GNAZ: variants seen among roughly 807,000 people sequenced by gnomAD.
GNAZ encodes the protein G protein subunit alpha z.
GNAZ carries 3 observed loss-of-function variants against 25.4 expected under a neutral mutation model. The observed-to-expected ratio is 0.12, with a 90% CI of 0.05 to 0.30. The LOEUF (loss-of-function observed/expected upper bound fraction) is 0.30, where lower values mean the gene tolerates loss of function less well. Among genes scored for constraint, GNAZ ranks in the 10% least tolerant of loss-of-function variants. The pLI, the probability that GNAZ is intolerant of heterozygous loss-of-function variation, is 1.00. For missense variants in GNAZ, 241 were observed against 501.8 expected (o/e 0.48, Z 4.97); for synonymous variants, 211 against 205.7 (o/e 1.03, Z -0.22).
Position 23,095,686 on chromosome 22 carries a change from C to A in GNAZ, c.-10C>A. ...CCGTGCTCCTTGTCTGGGCCCGCTG[C>A]TGCCAGACCATGGGATGTCGGCAAA... On this transcript the variant is annotated 5_prime_UTR_variant, in exon 2 of 3. It adds an upstream start codon to the 5' untranslated region. Coordinates refer to ENST00000615612, the MANE Select transcript of GNAZ (RefSeq NM_002073.4). 1.3e-6 allele frequency: 2 copies of A among 1,595,692 alleles called. No individual in the cohort carries two copies. The highest frequency in any genetic ancestry group is 1.7e-6 in the Non-Finnish European group (2 of 1,171,372).
At chr22:23,114,694 CTG>C (rs1165287913) in intron 2 of GNAZ, among the ~76,000 whole-genome samples, 2 of 152,168 alleles carry the variant, frequency 1.3e-5, no homozygotes, top group African/African-American at 2.4e-5. Flanking sequence ...CTTACATATT[CTG>C]TGTGTGTGTG....
At position 23,123,410 on chromosome 22, in the gene GNAZ, C is replaced by T. The variant is rs565166090; in HGVS notation, c.1047C>T (p.Leu349=). The T allele has an allele frequency of 1.2e-5, 20 of 1,612,980 alleles. No homozygotes were observed. The highest frequency in any genetic ancestry group is 5.0e-5 in the Admixed American group (3 of 60,006). ...CAGACGTCATCATACAGAACAATCTCAAGTACATTGGCCTTTGCTGAGGAG... is the reference window on the plus strand; with the variant it reads ...CAGACGTCATCATACAGAACAATCTTAAGTACATTGGCCTTTGCTGAGGAG... ...AVTDVIIQNN[L]KYIGLC is the part of the protein sequence containing the mutation. Residue 349 remains leucine, a synonymous_variant, in exon 3 of 3, where the codon CTC becomes CTT. Coordinates refer to ENST00000615612, the MANE Select transcript of GNAZ (RefSeq NM_002073.4).
chr22:23,112,975 C>T (rs1036710402), intron 2 of GNAZ, among the ~76,000 whole-genome samples: 14 of 152,168 alleles, frequency 9.2e-5, no homozygotes, highest in African/African-American at 3.4e-4. Context: ...ATAGGAACAT[C>T]CAGCTTTCAG....
intron 2 of GNAZ, 53 bp downstream of exon 2, chr22:23,096,471 G>A: frequency 6.5e-7 from 1 of 1,540,608 alleles, no homozygotes; most frequent in South Asian, 1.2e-5. Flanking sequence ...GTGGGTTCCT[G>A]GAAGCAAGAG....
chr22:23,115,180 C>A (rs2069788523), intron 2 of GNAZ, among the ~76,000 whole-genome samples: 1 of 152,138 alleles, frequency 6.6e-6, no homozygotes, highest in Non-Finnish European at 1.5e-5. Context: ...CAGTACAGAG[C>A]CTTCCCCAGC....
intron 1 of GNAZ, among the ~76,000 whole-genome samples, chr22:23,076,294 G>A (rs2068505840): frequency 6.6e-6 from 1 of 152,228 alleles, no homozygotes. Context: ...CTCCATGAGG[G>A]CAGGGACGTT....
chr22:23,090,990 T>C (rs1205826351), intron 1 of GNAZ, among the ~76,000 whole-genome samples: 2 of 152,174 alleles, frequency 1.3e-5, no homozygotes, highest in African/African-American at 4.8e-5. Flanking sequence ...TCTGCCCCAG[T>C]CGCCTCAGCC....
At chr22:23,102,163 T>G (rs1025194152) in intron 2 of GNAZ, among the ~76,000 whole-genome samples, 1 of 152,236 alleles carries the variant, frequency 6.6e-6, no homozygotes, top group African/African-American at 2.4e-5. Context: ...CAGCCTTAAC[T>G]GGGGCTGCGG....
intron 2 of GNAZ, among the ~76,000 whole-genome samples, chr22:23,105,980 G>C (rs1451533333): frequency 1.3e-5 from 2 of 152,202 alleles, no homozygotes; most frequent in African/African-American, 2.4e-5. Context: ...GTCTGGGTGT[G>C]AAGCCAGGGA....
At chr22:23,115,729 G>A (rs969663531) in intron 2 of GNAZ, among the ~76,000 whole-genome samples, 5 of 152,202 alleles carry the variant, frequency 3.3e-5, no homozygotes, top group African/African-American at 1.2e-4. Flanking sequence ...GTTGGGGGCC[G>A]GGGCTCATGT....
intron 2 of GNAZ, among the ~76,000 whole-genome samples, chr22:23,118,467 T>G (rs1034604069): frequency 4.0e-5 from 6 of 150,772 alleles, no homozygotes; most frequent in African/African-American, 1.5e-4. Flanking sequence ...GCCTCCCTCT[T>G]CCCCGCCCCG....
At chr22:23,088,349 GA>G (rs764114881) in intron 1 of GNAZ, among the ~76,000 whole-genome samples, 28 of 152,192 alleles carry the variant, frequency 1.8e-4, no homozygotes, top group Admixed American at 7.9e-4. Context: ...ATCCTTGTGT[GA>G]GGAAGGGCCT....
chr22:23,071,185 A>G lies in GNAZ; in HGVS notation c.-450+615A>G, dbSNP rs1309716913. On this transcript the variant is annotated intron_variant, in intron 1 of 2. Coordinates refer to ENST00000615612, the MANE Select transcript of GNAZ (RefSeq NM_002073.4). This position sits in a 1 kb window ranked among gnomAD's most constrained non-coding sequence, Gnocchi z 4.1. ...TGCGATTGTAATACGTTCCCGGCTCAATATTTTTTCCCTTAAAAGGCGGTG... is the reference window on the plus strand; with the variant it reads ...TGCGATTGTAATACGTTCCCGGCTCGATATTTTTTCCCTTAAAAGGCGGTG... 6.6e-6 allele frequency among the ~76,000 whole-genome samples: 1 copy of G among 152,140 alleles called. No homozygotes were observed. Among genetic ancestry groups the G allele is most frequent in the Non-Finnish European group, 1.5e-5 (1 of 68,014 alleles).
chr22:23,083,790 C>T (rs895353105), intron 1 of GNAZ, among the ~76,000 whole-genome samples: 4 of 152,214 alleles, frequency 2.6e-5, no homozygotes, highest in Non-Finnish European at 2.9e-5. Context: ...GTCCCACTGC[C>T]GAACCAGCGG....
chr22:23,118,978 A>G (rs535869112), intron 2 of GNAZ, among the ~76,000 whole-genome samples: 2 of 152,310 alleles, frequency 1.3e-5, no homozygotes, highest in Admixed American at 6.5e-5. Flanking sequence ...CATGTTTTGC[A>G]GGGTGAGCAG....
At chr22:23,105,267 G>A (rs1396289411) in intron 2 of GNAZ, among the ~76,000 whole-genome samples, 1 of 152,244 alleles carries the variant, frequency 6.6e-6, no homozygotes, top group Non-Finnish European at 1.5e-5. Context: ...TGGCTCAGCT[G>A]GAGGAGTGAC....
At chr22:23,086,297 C>CG (rs1459856021) in intron 1 of GNAZ, among the ~76,000 whole-genome samples, 6 of 152,316 alleles carry the variant, frequency 3.9e-5, no homozygotes, top group African/African-American at 1.4e-4. Context: ...CAGGCCACCC[C>CG]GGGAAATCAC....
At chr22:23,121,376 A>G (rs2070019957) in intron 2 of GNAZ, among the ~76,000 whole-genome samples, 1 of 152,170 alleles carries the variant, frequency 6.6e-6, no homozygotes, top group Admixed American at 6.5e-5. Flanking sequence ...CAGAGAACTC[A>G]GGGGCTCTGG....
chr22:23,094,019 G>GT (rs2146310356), intron 1 of GNAZ, among the ~76,000 whole-genome samples: 1 of 152,328 alleles, frequency 6.6e-6, no homozygotes, highest in Non-Finnish European at 1.5e-5. Context: ...TTTGCTGAGG[G>GT]TTTAGCAGGT....
Sources: allele counts gnomAD v4.1 joint callset (sites outside exome capture counted in the v4.1 genomes callset), GRCh38; gene constraint gnomAD v4.1.1; non-coding constraint Gnocchi (gnomAD v3.1); transcripts MANE v1.5; gene names NCBI Gene and HGNC (gene_info 2026-07-23, HGNC 2026-07-21).